The following ZNF600 variants were observed in gnomAD, a reference collection of about 807,000 sequenced individuals.
ZNF600 encodes zinc finger protein KR-ZNF1.
ZNF600 carries 4 observed loss-of-function variants against 7.3 expected under a neutral mutation model. The ratio of observed to expected loss-of-function variants is 0.55; its 90% CI spans 0.27 to 1.25. ZNF600 has a LOEUF of 1.25. Ranked by LOEUF, ZNF600 falls within the 50% of genes most tolerant of loss-of-function variation. The pLI, the probability that ZNF600 is intolerant of heterozygous loss-of-function variation, is 0.12. For missense variants in ZNF600, 911 were observed against 922.1 expected (o/e 0.99, Z 0.16); for synonymous variants, 290 against 308.9 (o/e 0.94, Z 0.64).
At chr19:52,780,037 AT>A (rs1235773449) in intron 1 of ZNF600, among the ~76,000 whole-genome samples, 3 of 152,004 alleles carry the variant, frequency 2.0e-5, no homozygotes, top group African/African-American at 7.3e-5. Context: ...AACTCAAAAG[AT>A]TGCAACCGTT....
intron 3 of ZNF600, among the ~76,000 whole-genome samples, chr19:52,769,018 G>A (rs1408649958): frequency 6.6e-6 from 1 of 152,190 alleles, no homozygotes; most frequent in African/African-American, 2.4e-5. Flanking sequence ...CGAGCCTTCT[G>A]TTATGCCCAG....
the ZNF600 span, among the ~76,000 whole-genome samples, chr19:52,833,482 A>G: frequency 6.6e-6 from 1 of 152,306 alleles, no homozygotes; most frequent in East Asian, 1.9e-4. Context: ...ATGACTGGCT[A>G]CTAAATACCT....
chr19:52,811,437 A>G, the ZNF600 span, among the ~76,000 whole-genome samples: 4 of 140,596 alleles, frequency 2.8e-5, no homozygotes, highest in East Asian at 2.1e-4. Context: ...CATCCCATCT[A>G]GGAAGCGAGG....
the ZNF600 span, among the ~76,000 whole-genome samples, chr19:52,815,933 G>A: frequency 6.8e-6 from 1 of 147,236 alleles, no homozygotes; most frequent in Non-Finnish European, 1.5e-5. Flanking sequence ...ACCTTCACAT[G>A]TAGCCCCAAA....
intron 3 of ZNF600, among the ~76,000 whole-genome samples, chr19:52,771,368 C>T (rs563759114): frequency 7.0e-6 from 1 of 142,498 alleles, no homozygotes; most frequent in Non-Finnish European, 1.5e-5. Context: ...GTCTGTCATG[C>T]TTCATCACCC....
chr19:52,781,321 A>G (rs561938123), intron 1 of ZNF600: 8 of 152,048 alleles, frequency 5.3e-5, no homozygotes, highest in Non-Finnish European at 8.8e-5. Flanking sequence ...CCTCACCTCT[A>G]TGTTACAGGT....
intron 3 of ZNF600, among the ~76,000 whole-genome samples, chr19:52,770,310 C>T (rs2062620936): frequency 6.6e-6 from 1 of 152,122 alleles, no homozygotes; most frequent in South Asian, 2.1e-4. Flanking sequence ...GGTATGGTGG[C>T]AGACACCTGT....
At chr19:52,774,934 T>C (rs948536648) in intron 2 of ZNF600, among the ~76,000 whole-genome samples, 6 of 151,992 alleles carry the variant, frequency 3.9e-5, no homozygotes, top group African/African-American at 7.2e-5. Flanking sequence ...ACATAAAAAG[T>C]ATAAAAATAA....
At chr19:52,826,367 C>A in the ZNF600 span, among the ~76,000 whole-genome samples, 2 of 152,012 alleles carry the variant, frequency 1.3e-5, no homozygotes, top group African/African-American at 4.8e-5. Context: ...GTTCAGAGGT[C>A]TGAGACCAGC....
At chr19:52,778,729 G>A (rs1600392408) in intron 2 of ZNF600, 97 bp downstream of exon 4, 3 of 1,487,176 alleles carry the variant, frequency 2.0e-6, no homozygotes, top group Non-Finnish European at 2.7e-6. Flanking sequence ...AACGTGTCAG[G>A]CAAAATTCTT....
chr19:52,777,107 G>A (rs967994231), intron 2 of ZNF600, among the ~76,000 whole-genome samples: 47 of 152,120 alleles, frequency 3.1e-4, no homozygotes, highest in African/African-American at 1.0e-3. Flanking sequence ...TTGGCTAAGC[G>A]TGGTGGCTCA....
chr19:52,790,544 C>G (rs1168589439), upstream of ZNF600, among the ~76,000 whole-genome samples: 3 of 152,066 alleles, frequency 2.0e-5, no homozygotes, highest in African/African-American at 7.2e-5. Context: ...TGTGGTGACC[C>G]ATGCCTATCT....
At chr19:52,828,409 C>T in the ZNF600 span, among the ~76,000 whole-genome samples, 1 of 152,142 alleles carries the variant, frequency 6.6e-6, no homozygotes, top group East Asian at 1.9e-4. Context: ...AGAAGTTGCG[C>T]TGAGCCGAGA....
the ZNF600 span, among the ~76,000 whole-genome samples, chr19:52,816,422 T>A: frequency 2.1e-5 from 3 of 145,726 alleles, 1 homozygote; most frequent in Non-Finnish European, 4.4e-5. Context: ...CCCAGCACTT[T>A]GGGAGGCTGA....
exon 2 of ZNF600, chr19:52,778,846 G>A (rs1281994933): frequency 1.9e-6 from 3 of 1,607,004 alleles, no homozygotes; most frequent in Non-Finnish European, 2.5e-6. Context: ...GCCATGCCTG[G>A]CTCCTTTCCT....
intron 1 of ZNF600, among the ~76,000 whole-genome samples, chr19:52,779,347 GA>G (rs1316633847): frequency 6.6e-6 from 1 of 152,224 alleles, no homozygotes; most frequent in East Asian, 1.9e-4. Context: ...CATCCCATCA[GA>G]ATAAGAATCC....
the ZNF600 span, among the ~76,000 whole-genome samples, chr19:52,807,094 T>C: frequency 1.3e-5 from 2 of 152,176 alleles, no homozygotes; most frequent in African/African-American, 4.8e-5. Flanking sequence ...TACCTGCGTT[T>C]GCACCTGTAA....
the ZNF600 span, among the ~76,000 whole-genome samples, chr19:52,822,280 C>T: frequency 6.6e-6 from 1 of 151,932 alleles, no homozygotes; most frequent in Admixed American, 6.6e-5. Context: ...CCATGTTGGA[C>T]AGGCTGGTCT....
upstream of ZNF600, among the ~76,000 whole-genome samples, chr19:52,786,943 T>C (rs372010964): frequency 6.6e-6 from 1 of 152,312 alleles, no homozygotes; most frequent in Middle Eastern, 3.4e-3. Context: ...TTTTTCGAGT[T>C]TTTGGAGGCG....
Sources: allele counts gnomAD v4.1 joint callset (sites outside exome capture counted in the v4.1 genomes callset), GRCh38; gene constraint gnomAD v4.1.1; transcripts MANE v1.5; gene names NCBI Gene and HGNC (gene_info 2026-07-23, HGNC 2026-07-21).